Variants in COL5A1 observed in about 807,000 individuals in gnomAD.
COL5A1 encodes collagen alpha-1(V) chain.
A neutral mutation model predicts 263.7 loss-of-function variants in COL5A1; 16 were observed. The ratio of observed to expected loss-of-function variants is 0.06; its 90% CI spans 0.04 to 0.09. COL5A1 has a LOEUF of 0.09. Among genes scored for constraint, COL5A1 ranks in the 10% least tolerant of loss-of-function variants. COL5A1 has a pLI of 1.00. For synonymous variants in COL5A1, 1,012 were observed against 1,004.5 expected, an observed-to-expected ratio of 1.01 and a Z score of -0.14; for missense variants, 2,036 against 2,540.5, an observed-to-expected ratio of 0.80 and a Z score of 4.27.
rs765056568 is a variant in COL5A1 at position 134,812,531 on chromosome 9, G to A, written c.3744+29G>A. On this transcript the variant is annotated intron_variant, in intron 47 of 65. Coordinates refer to ENST00000371817, the MANE Select transcript of COL5A1 (RefSeq NM_000093.5). ...AGTGTGCCTGAGACTCCAAGGCCTT[G>A]CCGTACTAGCGGCTCATGTTTTGGG... 7.4e-6 allele frequency: 12 copies of A among 1,613,588 alleles called. No individual in the cohort carries two copies. The Admixed American group carries it at 2.0e-4, about 27-fold the overall frequency.
chr9:134,830,502 G>C (rs534925330), intron 64 of COL5A1: 1 of 469,956 alleles, frequency 2.1e-6, no homozygotes, highest in South Asian at 2.5e-5. Context: ...GAGGTCAGAC[G>C]CTCCAGAAGC....
At chr9:134,727,001 G>GTGGA (rs573333833) in intron 4 of COL5A1, among the ~76,000 whole-genome samples, 63 of 149,140 alleles carry the variant, frequency 4.2e-4, no homozygotes, top group African/African-American at 6.2e-4. Flanking sequence ...GAACGAATGA[G>GTGGA]TGGATGGATG....
chr9:134,842,128 C>T lies in COL5A1; in HGVS notation c.5371-29C>T. On this transcript the variant is annotated intron_variant, in intron 65 of 65. Transcript: ENST00000371817. The surrounding 1 kb of genome is among the most constrained non-coding windows in gnomAD (Gnocchi z 5.8). ...CCCAAGACCCCCAACTGTTCTTAAC[C>T]ACCGGCCATCTGTCTCCCTCTTCCC... The T allele has an allele frequency of 5.0e-6, 8 of 1,613,984 alleles. No individual in the cohort carries two copies. The highest frequency in any genetic ancestry group is 6.8e-6 in the Non-Finnish European group (8 of 1,179,922).
intron 5 of COL5A1, 62 bp from the exon 6 acceptor site, chr9:134,728,608 A>G: frequency 6.2e-7 from 1 of 1,610,294 alleles, no homozygotes; most frequent in Non-Finnish European, 8.5e-7. Context: ...GGAAGGAAGG[A>G]CAGCAGGCTG....
chr9:134,703,627 GTTTTTTTTTTTTTT>G (rs55882557), intron 4 of COL5A1, among the ~76,000 whole-genome samples: 114 of 73,306 alleles, frequency 1.6e-3, no homozygotes, highest in Middle Eastern at 0.013. Flanking sequence ...GTGGCCTCGG[GTTTTTTTTTTTTTT>G]TTTTTTTTTT....
At chr9:134,706,925 C>T (rs1190008086) in intron 4 of COL5A1, among the ~76,000 whole-genome samples, 2 of 152,236 alleles carry the variant, frequency 1.3e-5, no homozygotes, top group Non-Finnish European at 1.5e-5. Context: ...TAGCCCCTGT[C>T]CCAGCACCTT....
intron 32 of COL5A1, among the ~76,000 whole-genome samples, chr9:134,792,389 A>ATTTC (rs1393606568): frequency 6.6e-6 from 1 of 151,954 alleles, no homozygotes; most frequent in Admixed American, 6.6e-5. Flanking sequence ...TTATTTATTT[A>ATTTC]TTTAGAGACA....
chr9:134,699,796 G>A (rs537044098), intron 2 of COL5A1, 113 bp from the exon 3 acceptor site: 7 of 1,021,026 alleles, frequency 6.9e-6, no homozygotes, highest in South Asian at 3.9e-5. Context: ...AGTGCCCCAC[G>A]ACGGGCAGCA....
chr9:134,819,771 A>C (rs1666918806), intron 57 of COL5A1, among the ~76,000 whole-genome samples: 1 of 152,250 alleles, frequency 6.6e-6, no homozygotes, highest in Admixed American at 6.5e-5. Context: ...AGTTCCGTAT[A>C]GGAGCAGGCG....
At chr9:134,760,867 A>G (rs1038260729) in intron 18 of COL5A1, among the ~76,000 whole-genome samples, 5 of 145,372 alleles carry the variant, frequency 3.4e-5, no homozygotes, top group Non-Finnish European at 7.5e-5. Flanking sequence ...CCACCCACAC[A>G]TGCACACAGA....
At chr9:134,747,681 A>G (rs1265168412) in intron 11 of COL5A1, among the ~76,000 whole-genome samples, 1 of 151,972 alleles carries the variant, frequency 6.6e-6, no homozygotes, top group East Asian at 1.9e-4. Flanking sequence ...GTATTCATAC[A>G]CACATGCAAA....
chr9:134,737,687 A>G (rs1835154379), intron 9 of COL5A1, among the ~76,000 whole-genome samples: 1 of 152,200 alleles, frequency 6.6e-6, no homozygotes, highest in East Asian at 1.9e-4. Context: ...TGGGGGTCTC[A>G]GGGCAGGGAG....
Position 134,761,991 on chromosome 9 carries a change from C to T in COL5A1, c.1989+13C>T, listed in dbSNP as rs1164158801. 2.5e-6 allele frequency: 4 copies of T among 1,613,042 alleles called. No homozygotes were observed. Among genetic ancestry groups the T allele is most frequent in the Non-Finnish European group, 3.4e-6 (4 of 1,179,608 alleles). On this transcript the variant is annotated intron_variant, in intron 19 of 65. Coordinates refer to ENST00000371817, the MANE Select transcript of COL5A1 (RefSeq NM_000093.5). Reference sequence around the variant, plus strand: ...CGATGGAGAAAGGGTAGGTATTCTGCCGTCCCTCCGACTGCTCCTGCCTGC... The same window carrying T: ...CGATGGAGAAAGGGTAGGTATTCTGTCGTCCCTCCGACTGCTCCTGCCTGC...
chr9:134,810,630 G>A (rs1276484925), intron 44 of COL5A1, among the ~76,000 whole-genome samples: 1 of 152,204 alleles, frequency 6.6e-6, no homozygotes, highest in Non-Finnish European at 1.5e-5. Flanking sequence ...GAACCAGAAT[G>A]CTCCGGCAGA....
At chr9:134,756,617 C>T (rs568192479) in intron 16 of COL5A1, 148 bp from the exon 17 acceptor site, 31 of 852,586 alleles carry the variant, frequency 3.6e-5, no homozygotes, top group African/African-American at 1.8e-4. Flanking sequence ...TCTGGGTCCT[C>T]GCAGCAGCCC....
At chr9:134,809,344 G>A (rs1013963623) in intron 43 of COL5A1, 54 bp downstream of exon 43, 2 of 1,364,348 alleles carry the variant, frequency 1.5e-6, no homozygotes, top group East Asian at 2.4e-5. Context: ...AGACGGGTGT[G>A]GGGGAGGGTG....
intron 42 of COL5A1, among the ~76,000 whole-genome samples, chr9:134,807,818 C>T (rs1048966602): frequency 2.0e-5 from 3 of 152,230 alleles, no homozygotes; most frequent in Non-Finnish European, 4.4e-5. Flanking sequence ...CTGAAGCCAA[C>T]TGGGCAGTCA....
chr9:134,775,450 A>G (rs1260532519), intron 27 of COL5A1, among the ~76,000 whole-genome samples: 1 of 152,184 alleles, frequency 6.6e-6, no homozygotes. Flanking sequence ...ATTCACAATC[A>G]TTCGTGTTTC....
At chr9:134,819,946 G>A (rs1564482061) in intron 57 of COL5A1, among the ~76,000 whole-genome samples, 170 bp from the exon 58 acceptor site, 2 of 152,208 alleles carry the variant, frequency 1.3e-5, no homozygotes, top group East Asian at 3.9e-4. Context: ...CCTCGGACCT[G>A]CCGTTTCGTC....
Sources: gnomAD v4.1 joint callset for allele counts (sites outside exome capture counted in the v4.1 genomes callset) on GRCh38, gnomAD v4.1.1 for gene constraint, Gnocchi (gnomAD v3.1) non-coding constraint, MANE v1.5 for transcripts, NCBI Gene and HGNC (gene_info 2026-07-23, HGNC 2026-07-21) for gene names.